The following CACNA2D4 variants were observed in gnomAD, a reference collection of about 807,000 sequenced individuals.
CACNA2D4 encodes the protein calcium voltage-gated channel auxiliary subunit alpha2delta 4.
In CACNA2D4, 157 loss-of-function variants were observed where a neutral mutation model predicts 163.8. That is an observed-to-expected ratio of 0.96 (90% CI 0.84 to 1.09). CACNA2D4 has a LOEUF of 1.09. Among genes scored for constraint, CACNA2D4 ranks in the 50% least tolerant of loss-of-function variants. The probability of loss-of-function intolerance (pLI) is 0.00; values close to 1 mark genes in which losing one functional copy is unlikely to be tolerated. For synonymous variants in CACNA2D4, 598 were observed against 586.9 expected (o/e 1.02, Z -0.27); for missense variants, 1,410 against 1,479.9 (o/e 0.95, Z 0.78).
At chr12:1,882,182 C>A (rs76849658) in intron 13 of CACNA2D4, among the ~76,000 whole-genome samples, 1 of 152,196 alleles carries the variant, frequency 6.6e-6, no homozygotes, top group Non-Finnish European at 1.5e-5. Flanking sequence ...CAGGGAGGAG[C>A]CTGGGTCCCT....
intron 3 of CACNA2D4, among the ~76,000 whole-genome samples, chr12:1,912,780 G>A (rs754310059): frequency 6.6e-6 from 1 of 152,202 alleles, no homozygotes; most frequent in Admixed American, 6.5e-5. Context: ...GGGCATGGCC[G>A]CCTCGGGGCA....
chr12:1,885,830 G>T, intron 9 of CACNA2D4, 135 bp downstream of exon 9: 1 of 666,692 alleles, frequency 1.5e-6, no homozygotes, highest in Non-Finnish European at 2.7e-6. Flanking sequence ...GTTTGCATGG[G>T]TAACGTGCTC....
rs1396298701 is a variant in CACNA2D4, at chr12:1,869,548, T to C, written c.1878+5056A>G. ...TTCAGTTTGTTTTCACGGATTCCTGTTTTTCCTCTTGAGTTCCAGTTCGTT... is the reference window on the plus strand; with the variant it reads ...TTCAGTTTGTTTTCACGGATTCCTGCTTTTCCTCTTGAGTTCCAGTTCGTT... On this transcript the variant is annotated intron_variant, in intron 18 of 37. Transcript: ENST00000382722. The surrounding 1 kb of genome is among the most constrained non-coding windows in gnomAD (Gnocchi z 4.7). Among the ~76,000 whole-genome samples the C allele has an allele frequency of 6.6e-6, 1 of 152,186 alleles. No individual in the cohort carries two copies. The highest frequency in any genetic ancestry group is 2.4e-5 in the African/African-American group (1 of 41,438).
At position 1,898,560 on chromosome 12, in the gene CACNA2D4, G is replaced by A. The variant is rs904179301; in HGVS notation, c.781+8880C>T. ...ACACCCATTAGGATGGCTACTACCA[G>A]GAAAACTAAAAAAAAACTAAACAAA... On this transcript the variant is annotated intron_variant, in intron 6 of 37. Transcript: ENST00000382722. Among the ~76,000 whole-genome samples the A allele has an allele frequency of 1.2e-4, 12 of 103,164 alleles. 1 individual carries two copies. The highest frequency in any genetic ancestry group is 6.1e-4 in the Admixed American group (6 of 9,888). 67.7% of individuals were successfully genotyped at this position (103,164 alleles called of 152,430 possible).
At chr12:1,811,934 C>A in intron 26 of CACNA2D4, 1 of 581,254 alleles carries the variant, frequency 1.7e-6, no homozygotes, top group South Asian at 2.1e-5. Context: ...TCTCTCGTTC[C>A]CACTGGAAGA....
chr12:1,854,272 T>C (rs1293865903), intron 22 of CACNA2D4, among the ~76,000 whole-genome samples: 1 of 152,192 alleles, frequency 6.6e-6, no homozygotes, highest in Non-Finnish European at 1.5e-5. Flanking sequence ...CTCTTTCCAA[T>C]TGTAACATCT....
chr12:1,917,947 C>T lies in CACNA2D4; in HGVS notation c.227+300G>A. On this transcript the variant is annotated intron_variant, in intron 1 of 37. Transcript: ENST00000382722. The surrounding 1 kb of genome is among the most constrained non-coding windows in gnomAD (Gnocchi z 4.3). ...AGGAGCACCCGCCCTTCAGGTGTCC[C>T]AGAAGCTGCTTGTCAGGCCAGGAAG... is the stretch of plus-strand genomic sequence containing the variant. 2.9e-6 allele frequency: 1 copy of T among 343,600 alleles called. No homozygotes were observed. The highest frequency in any genetic ancestry group is 5.3e-6 in the Non-Finnish European group (1 of 188,430). 21.3% of individuals were successfully genotyped at this position (343,600 alleles called of 1,614,324 possible). A position where few individuals can be genotyped will look rare whatever the true frequency, so the allele number is the denominator to read the frequency against.
At chr12:1,907,628 CATGCCCGGTGAGG>C in intron 5 of CACNA2D4, 57 bp from the exon 6 acceptor site, 1 of 1,532,476 alleles carries the variant, frequency 6.5e-7, no homozygotes, top group Non-Finnish European at 9.0e-7. Flanking sequence ...AAATGGTGAT[CATGCCCGGTGAGG>C]GTGCCTGGTG....
In CACNA2D4 at chr12:1,834,576, T is replaced by A; in HGVS notation, c.2551+6163A>T. The stretch of plus-strand genomic sequence containing the variant: ...GGGGTCGTGTGCGGCGTCGTCTGCA[T>A]CATGATGGTGGTGGCCGCTGCCTAT... On this transcript the variant is annotated intron_variant, in intron 26 of 37. Transcript: ENST00000382722. This position sits in a 1 kb window ranked among gnomAD's most constrained non-coding sequence, Gnocchi z 7.6. 1 of 1,601,222 alleles carries A rather than the reference T, an allele frequency of 6.2e-7. No homozygotes were observed. Among genetic ancestry groups the A allele is most frequent in the Non-Finnish European group, 8.5e-7 (1 of 1,179,906 alleles).
Position 1,871,316 on chromosome 12 carries a change from GTGC to G in CACNA2D4, c.1878+3285_1878+3287del, listed in dbSNP as rs1274997452. 2.0e-5 allele frequency among the ~76,000 whole-genome samples: 3 copies of G among 151,634 alleles called. No individual in the cohort carries two copies. The South Asian group carries it at 6.3e-4, about 32-fold the overall frequency. On this transcript the variant is annotated intron_variant, in intron 18 of 37. Transcript: ENST00000382722. ...GTTGCTGGTGTGTGTGTATACGTGT[GTGC>G]TGCTAGTGTGTGCATGTGTACACGT...
chr12:1,811,574 G>T, intron 27 of CACNA2D4, 88 bp downstream of exon 27: 1 of 1,334,244 alleles, frequency 7.5e-7, no homozygotes, highest in Non-Finnish European at 1.1e-6. Flanking sequence ...TCAAGGCAGT[G>T]GAGCATCCAA....
Position 1,826,487 on chromosome 12 carries a change from G to A in CACNA2D4, c.2551+14252C>T, listed in dbSNP as rs116647039. Among the ~76,000 whole-genome samples the A allele has an allele frequency of 8.1e-3, 1,032 of 127,346 alleles. 12 individuals are homozygous for A. The highest frequency in any genetic ancestry group is 0.028 in the African/African-American group (979 of 35,158). 83.5% of individuals were successfully genotyped at this position (127,346 alleles called of 152,430 possible). ...GGTTAGAGAACCATGACAGCACCAC[G>A]CTCAGGGGCTCCTCCACCCCTCATG... On this transcript the variant is annotated intron_variant, in intron 26 of 37. Transcript: ENST00000382722.
rs755186192 is a variant in CACNA2D4, at chr12:1,846,578, G to C, written c.2342+16C>G. The C allele has an allele frequency of 1.9e-6, 3 of 1,574,144 alleles. No individual in the cohort carries two copies. In the East Asian group the frequency reaches 7.0e-5, roughly 37 times the overall value. On this transcript the variant is annotated intron_variant, in intron 24 of 37. Coordinates refer to ENST00000382722, the MANE Select transcript of CACNA2D4 (RefSeq NM_172364.5). ...CCTGCAGGGATTGCCCTCCCGAGGTGGCCGGCCCAACCCACCTGTCGGAGA... is the reference window on the plus strand; with the variant it reads ...CCTGCAGGGATTGCCCTCCCGAGGTCGCCGGCCCAACCCACCTGTCGGAGA...
intron 26 of CACNA2D4, chr12:1,831,664 T>A: frequency 1.4e-6 from 1 of 712,112 alleles, no homozygotes; most frequent in Non-Finnish European, 2.3e-6. Context: ...CTGTGCCAGC[T>A]CGGCTAGAAA....
chr12:1,834,614 GCCT>G lies in CACNA2D4; in HGVS notation c.2551+6122_2551+6124del, dbSNP rs1864773859. The stretch of plus-strand genomic sequence containing the variant: ...GGCCGCTGCCTATGGCTGCATCTAC[GCCT>G]CCCTCATGGCCAAGTACCACCGGGA... On this transcript the variant is annotated intron_variant, in intron 26 of 37. Transcript: ENST00000382722. The surrounding 1 kb of genome is among the most constrained non-coding windows in gnomAD (Gnocchi z 7.6). 6.3e-7 allele frequency: 1 copy of G among 1,599,862 alleles called. No individual in the cohort carries two copies. Among genetic ancestry groups the G allele is most frequent in the Non-Finnish European group, 8.5e-7 (1 of 1,179,908 alleles).
rs770767829 is a variant in CACNA2D4 at position 1,913,106 on chromosome 12, C to A, written c.343G>T (p.Glu115Ter). The A allele has an allele frequency of 4.3e-6, 7 of 1,613,752 alleles. No individual in the cohort carries two copies. The highest frequency in any genetic ancestry group is 3.3e-5 in the Admixed American group (2 of 60,032). Residue 115 changes from glutamate (E) to a stop codon, truncating the protein, a stop_gained, in exon 3 of 38, where the codon GAG (glutamate) becomes TAG (stop). Transcript: ENST00000382722. LOFTEE classifies it high-confidence loss of function. ...ACCAGCTCCAAGCCATCCACCTCCT[C>A]GATCTTCAGACTGGACTCCACATCC... is the stretch of plus-strand genomic sequence containing the variant. ...YKDVESSLKI[E>*]EVDGLELVRK... is the part of the protein sequence containing the mutation.
intron 19 of CACNA2D4, among the ~76,000 whole-genome samples, chr12:1,859,873 G>A (rs546392778): frequency 2.9e-4 from 44 of 152,334 alleles, no homozygotes; most frequent in Admixed American, 2.2e-3. Flanking sequence ...CTGAAGGGGC[G>A]GGGCTTGCCT....
At chr12:1,916,927 C>T (rs1037924760) in intron 1 of CACNA2D4, among the ~76,000 whole-genome samples, 20 of 152,302 alleles carry the variant, frequency 1.3e-4, no homozygotes, top group African/African-American at 2.2e-4. Context: ...CATAGATGGC[C>T]GCTGGGGCCC....
At chr12:1,853,035 T>C (rs1865320176) in intron 23 of CACNA2D4, among the ~76,000 whole-genome samples, 1 of 152,122 alleles carries the variant, frequency 6.6e-6, no homozygotes, top group East Asian at 1.9e-4. Context: ...TCTAATTTTG[T>C]ATAGGTCATA....
Sources: gnomAD v4.1 joint callset for allele counts (sites outside exome capture counted in the v4.1 genomes callset) on GRCh38, gnomAD v4.1.1 for gene constraint, Gnocchi (gnomAD v3.1) non-coding constraint, MANE v1.5 for transcripts, NCBI Gene and HGNC (gene_info 2026-07-23, HGNC 2026-07-21) for gene names.